The following MRTFB variants were observed in gnomAD, a reference collection of about 807,000 sequenced individuals.
MRTFB encodes myocardin-related transcription factor B.
A neutral mutation model predicts 104.2 loss-of-function variants in MRTFB; 29 were observed. That is an observed-to-expected ratio of 0.28 (90% CI 0.21 to 0.38). MRTFB has a LOEUF of 0.38. MRTFB is among the 10% of genes least tolerant of loss of function. MRTFB has a pLI of 1.00. For synonymous variants in MRTFB, 535 were observed against 519.5 expected, an observed-to-expected ratio of 1.03 and a Z score of -0.41; for missense variants, 1,270 against 1,341.6, an observed-to-expected ratio of 0.95 and a Z score of 0.83.
chr16:14,249,702 A>C (rs2043173600), intron 13 of MRTFB, among the ~76,000 whole-genome samples: 1 of 152,228 alleles, frequency 6.6e-6, no homozygotes, highest in Non-Finnish European at 1.5e-5. Flanking sequence ...ATTCTCCCGC[A>C]TTCCCCGGTA....
chr16:14,137,900 G>T (rs2042908662), intron 2 of MRTFB, among the ~76,000 whole-genome samples: 1 of 151,872 alleles, frequency 6.6e-6, no homozygotes, highest in African/African-American at 2.4e-5. Flanking sequence ...TTATTGATAA[G>T]GTTGGATTTA....
At chr16:14,047,823 G>C in the MRTFB span, among the ~76,000 whole-genome samples, 1 of 152,118 alleles carries the variant, frequency 6.6e-6, no homozygotes, top group African/African-American at 2.4e-5. Context: ...TTCGGGTGGG[G>C]ACACAGCCAA....
the MRTFB span, among the ~76,000 whole-genome samples, chr16:14,015,042 T>C: frequency 6.6e-6 from 1 of 152,202 alleles, no homozygotes; most frequent in African/African-American, 2.4e-5. Context: ...TAGGATTTCA[T>C]ACTATTGTTT....
chr16:14,112,485 C>G (rs1221583454), intron 2 of MRTFB, among the ~76,000 whole-genome samples: 1 of 152,232 alleles, frequency 6.6e-6, no homozygotes, highest in Non-Finnish European at 1.5e-5. Flanking sequence ...CCTAGTAAAG[C>G]AGGAGGATTG....
rs970759271 is a variant in MRTFB, at chr16:14,100,966, T to A, written c.-64+21612T>A. 2.0e-5 allele frequency among the ~76,000 whole-genome samples: 3 copies of A among 152,152 alleles called. No individual in the cohort carries two copies. The South Asian group carries it at 6.2e-4, about 32-fold the overall frequency. On this transcript the variant is annotated intron_variant, in intron 2 of 16. Transcript: ENST00000571589. ...TCTCTTTTTTCCTGATCAGTCCAAC[T>A]GGAGGTTTATCAATTTTATTTACCT...
rs967312995 is a variant in MRTFB, at chr16:14,240,111, T to C, written c.832-126T>C. ...TTGAAACGAATTTAGCATATTGCTT[T>C]CCAAAGTGGCTGTACCCGTATCTAA... On this transcript the variant is annotated intron_variant, in intron 9 of 16. Coordinates refer to ENST00000571589, the MANE Select transcript of MRTFB (RefSeq NM_001308142.2). 4 of 1,176,268 alleles carry C rather than the reference T, an allele frequency of 3.4e-6. No individual in the cohort carries two copies. The African/African-American group carries it at 6.2e-5, about 18-fold the overall frequency. The allele number at this position is 1,176,268 out of a possible 1,614,324, so 72.9% of individuals were successfully genotyped here.
intron 2 of MRTFB, among the ~76,000 whole-genome samples, chr16:14,091,567 A>G (rs1050057655): frequency 4.2e-4 from 64 of 152,226 alleles, no homozygotes; most frequent in African/African-American, 1.3e-3. Context: ...GAAGCTCTCT[A>G]TCACCATCAC....
At chr16:14,100,180 C>T (rs1451646615) in intron 2 of MRTFB, among the ~76,000 whole-genome samples, 1 of 149,870 alleles carries the variant, frequency 6.7e-6, no homozygotes, top group East Asian at 1.9e-4. Context: ...TTGTCTTGTT[C>T]CTCATATTAA....
chr16:14,043,365 G>T, the MRTFB span, among the ~76,000 whole-genome samples: 1 of 151,636 alleles, frequency 6.6e-6, no homozygotes, highest in African/African-American at 2.4e-5. Context: ...TAGCAGATGG[G>T]TCCTATAGAA....
intron 10 of MRTFB, chr16:14,241,157 G>A (rs556703447): frequency 9.3e-4 from 183 of 196,038 alleles, no homozygotes; most frequent in Middle Eastern, 7.8e-3. Flanking sequence ...GGCTGCTGAC[G>A]CAGTGAGGCC....
At chr16:14,072,330 A>C (rs2033758426) in intron 1 of MRTFB, among the ~76,000 whole-genome samples, 1 of 152,212 alleles carries the variant, frequency 6.6e-6, no homozygotes, top group African/African-American at 2.4e-5. Flanking sequence ...GTAAGGGCGA[A>C]ATAGAGAACA....
rs576395435 is a variant in MRTFB, at chr16:14,250,814, A to G, written c.2404-1048A>G. On this transcript the variant is annotated intron_variant, in intron 13 of 16. Coordinates refer to ENST00000571589, the MANE Select transcript of MRTFB (RefSeq NM_001308142.2). ...ACAGCAGAGAGCAGAGGCAGATTCA[A>G]GCGGCGTCGCTGAGATGTGTGAACA... is the stretch of plus-strand genomic sequence containing the variant. Among the ~76,000 whole-genome samples, 9 of 152,366 alleles carry G rather than the reference A, an allele frequency of 5.9e-5. No individual in the cohort carries two copies. The South Asian group carries it at 1.2e-3, about 21-fold the overall frequency.
chr16:14,096,803 A>G (rs1382449399), intron 2 of MRTFB, among the ~76,000 whole-genome samples: 2 of 152,208 alleles, frequency 1.3e-5, no homozygotes, highest in South Asian at 2.1e-4. Context: ...TTAAAAAATC[A>G]TTTTGGGTCC....
chr16:14,018,115 C>T, the MRTFB span, among the ~76,000 whole-genome samples: 1 of 152,012 alleles, frequency 6.6e-6, no homozygotes, highest in Non-Finnish European at 1.5e-5. Context: ...ATTCCATGTG[C>T]CTCCTGAAAT....
At chr16:14,198,283 T>C (rs2040527767) in intron 3 of MRTFB, among the ~76,000 whole-genome samples, 1 of 152,248 alleles carries the variant, frequency 6.6e-6, no homozygotes, top group African/African-American at 2.4e-5. Flanking sequence ...AGAGTTGCTA[T>C]GGACATGTGT....
chr16:14,132,782 A>G (rs960515964), intron 2 of MRTFB, among the ~76,000 whole-genome samples: 8 of 151,776 alleles, frequency 5.3e-5, no homozygotes, highest in Admixed American at 2.0e-4. Context: ...TGGATTACCA[A>G]CTCTCTCCAT....
At chr16:14,023,644 C>T in the MRTFB span, among the ~76,000 whole-genome samples, 1 of 142,640 alleles carries the variant, frequency 7.0e-6, no homozygotes, top group South Asian at 2.2e-4. Context: ...TATACATATA[C>T]ATATACATAT....
intron 1 of MRTFB, among the ~76,000 whole-genome samples, chr16:14,078,906 T>A (rs1567296995): frequency 6.6e-6 from 1 of 152,122 alleles, no homozygotes; most frequent in African/African-American, 2.4e-5. Flanking sequence ...GTGCTAAGAA[T>A]TGGGTACTGT....
At chr16:14,114,953 G>C (rs1312841186) in intron 2 of MRTFB, among the ~76,000 whole-genome samples, 1 of 152,116 alleles carries the variant, frequency 6.6e-6, no homozygotes, top group Admixed American at 6.6e-5. Flanking sequence ...GCTCTTCATA[G>C]GTATTTTTTG....
Sources: allele counts gnomAD v4.1 joint callset (sites outside exome capture counted in the v4.1 genomes callset), GRCh38; gene constraint gnomAD v4.1.1; transcripts MANE v1.5; gene names NCBI Gene and HGNC (gene_info 2026-07-23, HGNC 2026-07-21).